The following WWOX variants were observed in gnomAD, a reference collection of about 807,000 sequenced individuals.
WWOX encodes WW domain-containing oxidoreductase.
In WWOX, 69 loss-of-function variants were observed where a neutral mutation model predicts 46.2. The observed-to-expected ratio is 1.49, with a 90% CI of 1.23 to 1.82. The LOEUF (loss-of-function observed/expected upper bound fraction) is 1.82. WWOX is among the 40% of genes most tolerant of loss of function. WWOX has a pLI of 0.00. For synonymous variants in WWOX, 359 were observed against 202.6 expected, an observed-to-expected ratio of 1.77 and a Z score of -6.56; for missense variants, 919 against 542.6, an observed-to-expected ratio of 1.69 and a Z score of -6.89.
chr16:78,205,689 A>C (rs114881870), intron 5 of WWOX, among the ~76,000 whole-genome samples: 2,642 of 151,342 alleles, frequency 0.017, 78 homozygotes, highest in African/African-American at 0.061. Context: ...ATACACATCC[A>C]TCTGTTCATT....
chr16:78,591,956 TC>T (rs2045362569), intron 8 of WWOX, among the ~76,000 whole-genome samples: 1 of 152,324 alleles, frequency 6.6e-6, no homozygotes, highest in African/African-American at 2.4e-5. Context: ...CCACCAGTGT[TC>T]CTAACAATGC....
rs543442529 is a variant in WWOX at position 78,912,552 on chromosome 16, G to A, written c.1057-299056G>A. 2.8e-4 allele frequency among the ~76,000 whole-genome samples: 42 copies of A among 152,154 alleles called. 1 individual carries two copies. The highest frequency in any genetic ancestry group is 9.9e-4 in the African/African-American group (41 of 41,562). On this transcript the variant is annotated intron_variant, in intron 8 of 8. Transcript: ENST00000566780. ...GCTCTTCCCTGAGTGCCTTGTTGGA[G>A]ACAAAACCAGCAGGGTTATATCCCC...
chr16:78,362,493 C>T (rs983301852), intron 5 of WWOX, among the ~76,000 whole-genome samples: 1 of 152,004 alleles, frequency 6.6e-6, no homozygotes, highest in Non-Finnish European at 1.5e-5. Context: ...TCTGTTGTTC[C>T]AGGTACTCGG....
chr16:78,644,130 G>A (rs949855965), intron 8 of WWOX, among the ~76,000 whole-genome samples: 1 of 152,152 alleles, frequency 6.6e-6, no homozygotes, highest in African/African-American at 2.4e-5. Flanking sequence ...GCTGAGGCGG[G>A]AGAATCATTT....
chr16:78,944,853 C>T (rs189615592), intron 8 of WWOX, among the ~76,000 whole-genome samples: 1 of 151,984 alleles, frequency 6.6e-6, no homozygotes, highest in Non-Finnish European at 1.5e-5. Context: ...TCACCTGGGT[C>T]CAGAACACAG....
chr16:78,360,746 C>T (rs139010904), intron 5 of WWOX, among the ~76,000 whole-genome samples: 8 of 152,046 alleles, frequency 5.3e-5, no homozygotes, highest in Non-Finnish European at 8.8e-5. Context: ...ACCACTAAAG[C>T]AGTGTCATCT....
chr16:78,623,550 C>T (rs182060757), intron 8 of WWOX, among the ~76,000 whole-genome samples: 7 of 152,050 alleles, frequency 4.6e-5, no homozygotes, highest in African/African-American at 1.2e-4. Flanking sequence ...CATGGTGGCG[C>T]ATGCTTGTAG....
At chr16:78,920,084 C>T (rs1262257632) in intron 8 of WWOX, among the ~76,000 whole-genome samples, 1 of 152,078 alleles carries the variant, frequency 6.6e-6, no homozygotes, top group Non-Finnish European at 1.5e-5. Flanking sequence ...CCATAGCTTG[C>T]AAAAACAAAG....
chr16:78,233,619 C>T (rs1349442908), intron 5 of WWOX, among the ~76,000 whole-genome samples: 2 of 151,024 alleles, frequency 1.3e-5, no homozygotes, highest in Admixed American at 6.6e-5. Context: ...CTCCGCCTCC[C>T]GGGTTCATGC....
chr16:78,885,361 A>G (rs2044433159), intron 8 of WWOX, among the ~76,000 whole-genome samples: 1 of 152,226 alleles, frequency 6.6e-6, no homozygotes, highest in African/African-American at 2.4e-5. Context: ...TCAGCTCAGT[A>G]CAAGAACACT....
intron 8 of WWOX, among the ~76,000 whole-genome samples, chr16:78,603,225 G>A (rs558300834): frequency 5.9e-5 from 9 of 152,266 alleles, no homozygotes; most frequent in African/African-American, 2.2e-4. Flanking sequence ...CATTTTCATG[G>A]CACAGATAAG....
At chr16:78,399,143 G>GA (rs2082356295) in intron 6 of WWOX, among the ~76,000 whole-genome samples, 1 of 152,120 alleles carries the variant, frequency 6.6e-6, no homozygotes, top group South Asian at 2.1e-4. Context: ...ATGGGTGGCT[G>GA]GCTGGCTAGA....
intron 6 of WWOX, among the ~76,000 whole-genome samples, chr16:78,419,738 A>G (rs1567561397): frequency 1.3e-5 from 2 of 151,996 alleles, no homozygotes; most frequent in East Asian, 1.9e-4. Flanking sequence ...GGCTTAGACA[A>G]TGATTTCTTG....
At chr16:79,081,960 G>A (rs2048768325) in intron 8 of WWOX, among the ~76,000 whole-genome samples, 1 of 152,172 alleles carries the variant, frequency 6.6e-6, no homozygotes, top group African/African-American at 2.4e-5. Flanking sequence ...GCAAAGGGGT[G>A]GTTGATATCA....
At chr16:79,038,297 G>A (rs941361966) in intron 8 of WWOX, among the ~76,000 whole-genome samples, 10 of 152,076 alleles carry the variant, frequency 6.6e-5, no homozygotes, top group South Asian at 2.1e-4. Flanking sequence ...ATAAAAGGGC[G>A]TTTCAAAGTA....
At chr16:78,417,417 A>G (rs866894313) in intron 6 of WWOX, among the ~76,000 whole-genome samples, 1 of 151,984 alleles carries the variant, frequency 6.6e-6, no homozygotes, top group Non-Finnish European at 1.5e-5. Flanking sequence ...CTGAAACTTC[A>G]TTTCTGTCTG....
chr16:78,202,881 A>G (rs9935597), intron 5 of WWOX, among the ~76,000 whole-genome samples: 146,177 of 150,544 alleles, frequency 0.97, 70,995 homozygotes, highest in East Asian at 1. Flanking sequence ...TTGGAACAGC[A>G]TAGGTGAATA....
chr16:78,762,817 G>C (rs1170876628), intron 8 of WWOX, among the ~76,000 whole-genome samples: 3 of 152,124 alleles, frequency 2.0e-5, no homozygotes, highest in Admixed American at 1.3e-4. Flanking sequence ...CTGTAATATG[G>C]GGAATCATAA....
At chr16:78,827,025 C>T (rs1410319009) in intron 8 of WWOX, among the ~76,000 whole-genome samples, 1 of 152,112 alleles carries the variant, frequency 6.6e-6, no homozygotes, top group Non-Finnish European at 1.5e-5. Context: ...CGCTTTCCTG[C>T]CCCCACATGT....
Sources: allele counts gnomAD v4.1 joint callset (sites outside exome capture counted in the v4.1 genomes callset), GRCh38; gene constraint gnomAD v4.1.1; transcripts MANE v1.5; gene names NCBI Gene and HGNC (gene_info 2026-07-23, HGNC 2026-07-21).